Variants in SH3PXD2B observed in about 807,000 individuals in gnomAD.
SH3PXD2B encodes the protein SH3 and PX domains 2B, also known as SH3 and PX domain-containing protein 2B.
Under a neutral mutation model 73.1 loss-of-function variants are expected in SH3PXD2B, and 37 were observed. The observed-to-expected ratio is 0.51, with a 90% CI of 0.39 to 0.67. The LOEUF is 0.67. Among genes scored for constraint, SH3PXD2B ranks in the 30% least tolerant of loss-of-function variants. The pLI, the probability that SH3PXD2B is intolerant of heterozygous loss-of-function variation, is 0.00. For missense variants in SH3PXD2B, 1,053 were observed against 1,197.8 expected (o/e 0.88, Z 1.78); for synonymous variants, 457 against 480.5 (o/e 0.95, Z 0.64).
chr5:172,415,188 T>C (rs1758792547), intron 2 of SH3PXD2B, among the ~76,000 whole-genome samples: 1 of 152,154 alleles, frequency 6.6e-6, no homozygotes, highest in African/African-American at 2.4e-5. Flanking sequence ...AAGCCCTGGC[T>C]CCAGTGATGA....
At position 172,350,596 on chromosome 5, in the gene SH3PXD2B, AGAG is replaced by A; in HGVS notation, c.786-10_786-8del. On this transcript the variant is annotated splice_region_variant and splice_polypyrimidine_tract_variant and intron_variant, in intron 9 of 12. Coordinates refer to ENST00000311601, the MANE Select transcript of SH3PXD2B (RefSeq NM_001017995.3). ...GCCTTCTTTGCCCTGGTACCTGTGA[AGAG>A]GAGGAAGGATGCTGTCAAACTGCTC... is the stretch of plus-strand genomic sequence containing the variant. 6.3e-7 allele frequency: 1 copy of A among 1,598,972 alleles called. No homozygotes were observed. The highest frequency in any genetic ancestry group is 8.5e-7 in the Non-Finnish European group (1 of 1,172,552).
chr5:172,358,831 T>C lies in SH3PXD2B; in HGVS notation c.609A>G (p.Ala203=), dbSNP rs995945583. The C allele has an allele frequency of 1.9e-6, 3 of 1,613,992 alleles. No homozygotes were observed. The highest frequency in any genetic ancestry group is 1.3e-5 in the African/African-American group (1 of 74,942). The change falls in exon 8 of 13, where the codon GCA becomes GCG. Residue 203 remains alanine (A), a synonymous_variant. Transcript: ENST00000311601. ...CCCCATCCTGGCCTTCGAGGCACGT[T>C]GCAGGGACCCAGCCTTGCTCCTCGG... ...STAEEQGWVP[A]TCLEGQDGVQ...
chr5:172,402,786 C>G (rs7705815), intron 3 of SH3PXD2B, among the ~76,000 whole-genome samples: 1 of 152,232 alleles, frequency 6.6e-6, no homozygotes, highest in Admixed American at 6.5e-5. Context: ...CACCCAGCAC[C>G]GGGGTGGCCC....
intron 3 of SH3PXD2B, among the ~76,000 whole-genome samples, chr5:172,398,014 C>T (rs1485513769): frequency 6.6e-6 from 1 of 152,180 alleles, no homozygotes; most frequent in Non-Finnish European, 1.5e-5. Context: ...TCAGCAGTGG[C>T]CGCTCTCTAA....
intron 2 of SH3PXD2B, among the ~76,000 whole-genome samples, chr5:172,412,474 C>A (rs531570962): frequency 6.6e-6 from 1 of 152,246 alleles, no homozygotes; most frequent in African/African-American, 2.4e-5. Flanking sequence ...ACAATATCCT[C>A]CTATTTAAAC....
intron 1 of SH3PXD2B, among the ~76,000 whole-genome samples, chr5:172,441,615 C>T (rs538060986): frequency 2.6e-5 from 4 of 152,292 alleles, no homozygotes; most frequent in South Asian, 2.1e-4. Flanking sequence ...GGGGCCTCAA[C>T]GTCAAAGCTG....
intron 7 of SH3PXD2B, among the ~76,000 whole-genome samples, chr5:172,360,872 G>C (rs1273690108): frequency 6.6e-6 from 1 of 152,136 alleles, no homozygotes; most frequent in Non-Finnish European, 1.5e-5. Context: ...GTGTATCTTA[G>C]GGTCCAGCTG....
At position 172,421,700 on chromosome 5, in the gene SH3PXD2B, G is replaced by A. The variant is rs1758966859; in HGVS notation, c.156+716C>T. ...AGCCGGGAAGGCACAGGAGTGTGTGGGGAGGGCAAAGGCCTGTGGAGAGAG... is the reference window on the plus strand; with the variant it reads ...AGCCGGGAAGGCACAGGAGTGTGTGAGGAGGGCAAAGGCCTGTGGAGAGAG... On this transcript the variant is annotated intron_variant, in intron 2 of 12. Transcript: ENST00000311601. This position sits in a 1 kb window ranked among gnomAD's most constrained non-coding sequence, Gnocchi z 4.0. Among the ~76,000 whole-genome samples the A allele has an allele frequency of 6.6e-6, 1 of 152,208 alleles. No individual in the cohort carries two copies. Among genetic ancestry groups the A allele is most frequent in the South Asian group, 2.1e-4 (1 of 4,830 alleles).
chr5:172,392,926 C>CA (rs1462905438), intron 4 of SH3PXD2B, among the ~76,000 whole-genome samples: 3 of 152,368 alleles, frequency 2.0e-5, no homozygotes, highest in South Asian at 2.1e-4. Context: ...CGCTGATCTA[C>CA]ATGCCTATTT....
chr5:172,389,107 G>A (rs2731728), intron 4 of SH3PXD2B, among the ~76,000 whole-genome samples: 65,132 of 149,478 alleles, frequency 0.44, 14,866 homozygotes, highest in East Asian at 0.71. Context: ...CCAGGCTGGA[G>A]TGTAATGGCA....
In SH3PXD2B at chr5:172,394,572, TTCA is replaced by T; in HGVS notation, c.297_299del (p.Asp99del). On this transcript the variant is annotated inframe_deletion, in exon 4 of 13. Coordinates refer to ENST00000311601, the MANE Select transcript of SH3PXD2B (RefSeq NM_001017995.3). ...CATTTCTCAGCCTTACCTTACAGTA[TTCA>T]TCAATTGGTATCAGGCGTTTGACAG... 1 of 1,614,126 alleles carries T rather than the reference TTCA, an allele frequency of 6.2e-7. No individual in the cohort carries two copies. Among genetic ancestry groups the T allele is most frequent in the Non-Finnish European group, 8.5e-7 (1 of 1,180,000 alleles).
At chr5:172,352,022 C>T (rs867904898) in intron 9 of SH3PXD2B, among the ~76,000 whole-genome samples, 7 of 152,234 alleles carry the variant, frequency 4.6e-5, no homozygotes, top group South Asian at 2.1e-4. Context: ...GGCTGAAATC[C>T]TGACTGTCAC....
At chr5:172,408,463 T>C (rs1351257907) in intron 2 of SH3PXD2B, among the ~76,000 whole-genome samples, 1 of 151,980 alleles carries the variant, frequency 6.6e-6, no homozygotes, top group Non-Finnish European at 1.5e-5. Flanking sequence ...CAGATGGCTT[T>C]TGCCATGTTG....
intron 3 of SH3PXD2B, among the ~76,000 whole-genome samples, chr5:172,397,032 G>A (rs1254584511): frequency 2.0e-5 from 3 of 152,190 alleles, no homozygotes; most frequent in Admixed American, 6.5e-5. Flanking sequence ...AGAGCCAGGC[G>A]GAACAGAGCC....
chr5:172,347,384 AG>A, intron 10 of SH3PXD2B, 52 bp from the exon 11 acceptor site: 1 of 1,593,514 alleles, frequency 6.3e-7, no homozygotes, highest in East Asian at 2.2e-5. Context: ...GAGATTCCTG[AG>A]CTGGGTGCCA....
At chr5:172,436,535 G>A (rs923629560) in intron 1 of SH3PXD2B, among the ~76,000 whole-genome samples, 1 of 152,220 alleles carries the variant, frequency 6.6e-6, no homozygotes, top group Non-Finnish European at 1.5e-5. Context: ...AGGGGAAAGG[G>A]ACTTGCCCAA....
intron 12 of SH3PXD2B, among the ~76,000 whole-genome samples, chr5:172,343,808 G>GA (rs373283592): frequency 2.2e-4 from 30 of 138,442 alleles, no homozygotes; most frequent in Non-Finnish European, 1.4e-4. Flanking sequence ...CCGTCTCAAA[G>GA]AAAAAAAAAA....
intron 6 of SH3PXD2B, among the ~76,000 whole-genome samples, chr5:172,366,635 T>A (rs1395138268): frequency 6.6e-6 from 1 of 152,018 alleles, no homozygotes; most frequent in East Asian, 1.9e-4. Flanking sequence ...TATTTTATTT[T>A]ATTTATTTAT....
At chr5:172,362,392 C>T (rs915618352) in intron 7 of SH3PXD2B, among the ~76,000 whole-genome samples, 8 of 152,162 alleles carry the variant, frequency 5.3e-5, no homozygotes, top group Non-Finnish European at 8.8e-5. Context: ...GGAGCCTTCT[C>T]GGAGACTCCC....
Sources: gnomAD v4.1 joint callset for allele counts (sites outside exome capture counted in the v4.1 genomes callset) on GRCh38, gnomAD v4.1.1 for gene constraint, Gnocchi (gnomAD v3.1) non-coding constraint, MANE v1.5 for transcripts, NCBI Gene and HGNC (gene_info 2026-07-23, HGNC 2026-07-21) for gene names.